Variants in BID observed in about 807,000 individuals in gnomAD.
BID encodes the protein BH3-interacting domain death agonist.
Under a neutral mutation model 17.4 loss-of-function variants are expected in BID, and 19 were observed. The observed-to-expected ratio is 1.09, with a 90% confidence interval of 0.76 to 1.60. The LOEUF is 1.60. Among genes scored for constraint, BID ranks in the 40% most tolerant of loss-of-function variants. BID has a pLI of 0.00. For missense variants in BID, 226 were observed against 256.0 expected (o/e 0.88, Z 0.80); for synonymous variants, 108 against 102.8 (o/e 1.05, Z -0.31).
In BID at chr22:17,743,843, G is replaced by C; in HGVS notation, c.183C>G (p.Gly61=). 1.2e-6 allele frequency: 2 copies of C among 1,612,570 alleles called. No homozygotes were observed. Among genetic ancestry groups the C allele is most frequent in the Non-Finnish European group, 1.7e-6 (2 of 1,179,756 alleles). The change falls in exon 3 of 6, where the codon GGC becomes GGG. Residue 61 remains glycine, a synonymous_variant. Transcript: ENST00000622694. ...WEGYDELQTD[G]NRSSHSRLGR... is the part of the protein sequence containing the mutation. ...CCAAGCGGGAGTGGCTGCTGCGGTT[G>C]CCATCAGTCTGCAGCTCATCGTAGC... is the stretch of plus-strand genomic sequence containing the variant.
At chr22:17,742,591 C>T (rs763615587) in intron 3 of BID, among the ~76,000 whole-genome samples, 6 of 151,982 alleles carry the variant, frequency 3.9e-5, no homozygotes, top group Admixed American at 2.6e-4. Flanking sequence ...GTCTCCCCCA[C>T]AGCCACCAGA....
chr22:17,773,637 G>T lies in BID; in HGVS notation c.-59+744C>A, dbSNP rs144085890. The T allele has an allele frequency of 3.2e-5, 51 of 1,612,148 alleles. No homozygotes were observed. The African/African-American group carries it at 6.5e-4, about 21-fold the overall frequency. ...AATCCGCACTGTGCTCCTCCAGCCG[G>T]CCCGGCCCCTCGCTGCCCACCGAGC... On this transcript the variant is annotated intron_variant, in intron 1 of 5. Transcript: ENST00000622694. The surrounding 1 kb of genome is among the most constrained non-coding windows in gnomAD (Gnocchi z 4.4).
In BID at chr22:17,763,638, G is replaced by A. The variant is rs115678518; in HGVS notation, c.-59+10743C>T. Among the ~76,000 whole-genome samples, 991 of 152,086 alleles carry A rather than the reference G, an allele frequency of 6.5e-3. 8 individuals carry two copies. Among genetic ancestry groups the A allele is most frequent in the African/African-American group, 0.023 (937 of 41,480 alleles). On this transcript the variant is annotated intron_variant, in intron 1 of 5. Coordinates refer to ENST00000622694, the MANE Select transcript of BID (RefSeq NM_001196.4). The stretch of plus-strand genomic sequence containing the variant: ...GTCTCCAGACACATGTTTAGCAGAC[G>A]CCTGTGGGCACACACACCATAGCCT...
chr22:17,766,321 G>A (rs5992821), intron 1 of BID, among the ~76,000 whole-genome samples: 1,908 of 138,228 alleles, frequency 0.014, 44 homozygotes, highest in African/African-American at 0.05. Context: ...TCACTTTGTC[G>A]CCCAGGCTGG....
rs540967803 is a variant in BID, at chr22:17,735,261, T to C, written c.*319A>G. 7 of 284,406 alleles carry C rather than the reference T, an allele frequency of 2.5e-5. No individual in the cohort carries two copies. Among genetic ancestry groups the C allele is most frequent in the African/African-American group, 1.5e-4 (7 of 45,568 alleles). 17.6% of individuals were successfully genotyped at this position (284,406 alleles called of 1,614,324 possible). On this transcript the variant is annotated 3_prime_UTR_variant, in exon 6 of 6. Coordinates refer to ENST00000622694, the MANE Select transcript of BID (RefSeq NM_001196.4). Reference sequence around the variant, plus strand: ...TACTTCCTTGAAACCTGCTTTCCAATTTAATTTTTAAGTGGGAACCTGCAC... The same window carrying C: ...TACTTCCTTGAAACCTGCTTTCCAACTTAATTTTTAAGTGGGAACCTGCAC...
intron 1 of BID, among the ~76,000 whole-genome samples, chr22:17,767,779 G>A (rs2061689416): frequency 1.3e-5 from 2 of 152,138 alleles, no homozygotes; most frequent in South Asian, 2.1e-4. Flanking sequence ...AACAGCGTCC[G>A]CGAAGTGAAA....
chr22:17,774,536 G>A, upstream of BID: 3 of 157,930 alleles, frequency 1.9e-5, no homozygotes, highest in Non-Finnish European at 4.0e-5. Flanking sequence ...GCCCCGGCCC[G>A]CCCCCGGCGG....
intron 2 of BID, among the ~76,000 whole-genome samples, chr22:17,744,545 C>A (rs941566701): frequency 6.6e-6 from 1 of 152,200 alleles, no homozygotes; most frequent in Non-Finnish European, 1.5e-5. Context: ...GAGTGGTGAC[C>A]ACAGCTGGGC....
At chr22:17,770,478 G>T (rs2061711284) in intron 1 of BID, among the ~76,000 whole-genome samples, 1 of 152,168 alleles carries the variant, frequency 6.6e-6, no homozygotes, top group Admixed American at 6.5e-5. Context: ...CCGGACCCAG[G>T]GTTGTAGTCA....
At chr22:17,756,520 CTCTT>C (rs1305404043) in intron 1 of BID, among the ~76,000 whole-genome samples, 7 of 138,068 alleles carry the variant, frequency 5.1e-5, no homozygotes, top group Admixed American at 7.6e-5. Flanking sequence ...GTCTGTCTCT[CTCTT>C]TCTTTCCTTC....
At chr22:17,755,466 C>T (rs1253645736) in intron 1 of BID, among the ~76,000 whole-genome samples, 1 of 151,932 alleles carries the variant, frequency 6.6e-6, no homozygotes, top group Non-Finnish European at 1.5e-5. Flanking sequence ...GAAAGGAATT[C>T]CTGACACTTC....
At chr22:17,742,655 G>T (rs2061468847) in intron 3 of BID, among the ~76,000 whole-genome samples, 1 of 152,170 alleles carries the variant, frequency 6.6e-6, no homozygotes, top group African/African-American at 2.4e-5. Context: ...GGGGATCCCT[G>T]CAGGCTTTCA....
chr22:17,742,798 T>G (rs2145879162), intron 3 of BID, among the ~76,000 whole-genome samples: 1 of 152,324 alleles, frequency 6.6e-6, no homozygotes, highest in East Asian at 1.9e-4. Context: ...ATGTGCACAC[T>G]ACTGAAAGCC....
chr22:17,771,267 T>C (rs187630769), intron 1 of BID, among the ~76,000 whole-genome samples: 21 of 152,138 alleles, frequency 1.4e-4, no homozygotes, highest in African/African-American at 3.6e-4. Context: ...GCACAGCTAA[T>C]TTTCTGTATT....
intron 1 of BID, among the ~76,000 whole-genome samples, chr22:17,767,205 C>G (rs1006312548): frequency 2.2e-5 from 3 of 139,460 alleles, no homozygotes; most frequent in African/African-American, 8.2e-5. Flanking sequence ...GCCTGTGTGA[C>G]AGAGTGAGAT....
At chr22:17,741,497 A>G (rs2061459217) in intron 3 of BID, among the ~76,000 whole-genome samples, 3 of 150,484 alleles carry the variant, frequency 2.0e-5, no homozygotes, top group Non-Finnish European at 4.4e-5. Flanking sequence ...TTTTCAAGAC[A>G]TAGTCTCACT....
At chr22:17,751,550 G>T (rs2061540115) in intron 1 of BID, among the ~76,000 whole-genome samples, 1 of 152,106 alleles carries the variant, frequency 6.6e-6, no homozygotes, top group South Asian at 2.1e-4. Flanking sequence ...CCAAGCATTG[G>T]CAATTTCACA....
chr22:17,748,473 A>T (rs1369106971), intron 2 of BID, among the ~76,000 whole-genome samples: 2 of 152,044 alleles, frequency 1.3e-5, no homozygotes, highest in Admixed American at 6.5e-5. Flanking sequence ...GTGCCACTGC[A>T]CTCCAGCCTG....
intron 1 of BID, among the ~76,000 whole-genome samples, chr22:17,754,011 C>T (rs987243987): frequency 1.3e-5 from 2 of 152,112 alleles, no homozygotes; most frequent in Admixed American, 6.5e-5. Flanking sequence ...GTGACATTCC[C>T]CCAGTCTCCA....
Sources: gnomAD v4.1 joint callset for allele counts (sites outside exome capture counted in the v4.1 genomes callset) on GRCh38, gnomAD v4.1.1 for gene constraint, Gnocchi (gnomAD v3.1) non-coding constraint, MANE v1.5 for transcripts, NCBI Gene and HGNC (gene_info 2026-07-23, HGNC 2026-07-21) for gene names.